DEK: variants seen among roughly 807,000 people sequenced by gnomAD.
DEK encodes the protein DEK proto-oncogene.
Under a neutral mutation model 46.8 loss-of-function variants are expected in DEK, and 28 were observed. The ratio of observed to expected loss-of-function variants is 0.60; its 90% CI spans 0.44 to 0.82. The LOEUF is 0.82. Ranked by LOEUF, DEK falls within the 40% of genes least tolerant of loss-of-function variation. The probability of loss-of-function intolerance (pLI) is 0.00; values close to 1 mark genes in which losing one functional copy is unlikely to be tolerated. For missense variants in DEK, 416 were observed against 430.6 expected, an observed-to-expected ratio of 0.97 and a Z score of 0.30; for synonymous variants, 160 against 144.5, an observed-to-expected ratio of 1.11 and a Z score of -0.77.
In DEK at chr6:18,243,528, C is replaced by T. The variant is rs1465845816; in HGVS notation, c.763-6012G>A. On this transcript the variant is annotated intron_variant, in intron 7 of 10. Transcript: ENST00000652689. The stretch of plus-strand genomic sequence containing the variant: ...ACTTCTGGGCACACAACTCTAACCA[C>T]GAGTTAGTCAAAGGCACCCTGCCTT... 2.6e-5 allele frequency among the ~76,000 whole-genome samples: 4 copies of T among 152,130 alleles called. No individual in the cohort carries two copies. The East Asian group carries it at 7.7e-4, about 29-fold the overall frequency.
rs1554162685 is a variant in DEK at position 18,259,430 on chromosome 6, A to AAAAAAAAAAAAAAT, written c.146-1026_146-1025insATTTTTTTTTTTTT. ...AAAAAAAAAAAAAAAAAAAAAAAAA[A>AAAAAAAAAAAAAAT]AAATCTAGAAAACAGGTAGCATATA... On this transcript the variant is annotated intron_variant, in intron 2 of 10. Coordinates refer to ENST00000652689, the MANE Select transcript of DEK (RefSeq NM_003472.4). 5.2e-5 allele frequency among the ~76,000 whole-genome samples: 5 copies of AAAAAAAAAAAAAAT among 96,844 alleles called. 1 individual carries two copies. The highest frequency in any genetic ancestry group is 4.4e-4 in the East Asian group (1 of 2,272). 63.5% of individuals were successfully genotyped at this position (96,844 alleles called of 152,430 possible).
At chr6:18,244,396 A>T (rs1040161891) in intron 7 of DEK, 1 of 461,920 alleles carries the variant, frequency 2.2e-6, no homozygotes, top group Non-Finnish European at 3.6e-6. Flanking sequence ...AGTTTCAAAA[A>T]CGTGAAGGGG....
Position 18,260,179 on chromosome 6 carries a change from C to A in DEK, c.146-1774G>T, listed in dbSNP as rs1030431701. On this transcript the variant is annotated intron_variant, in intron 2 of 10. Transcript: ENST00000652689. ...TTACATGTAACCTATGACCATCTTC[C>A]CATATACTTTATATCATCTGTAGAT... Among the ~76,000 whole-genome samples the A allele has an allele frequency of 2.6e-5, 4 of 152,104 alleles. No homozygotes were observed. In the South Asian group the frequency reaches 8.3e-4, roughly 32 times the overall value.
intron 7 of DEK, 64 bp downstream of exon 7, chr6:18,249,587 T>C (rs1395823205): frequency 6.9e-7 from 1 of 1,448,006 alleles, no homozygotes; most frequent in Non-Finnish European, 9.1e-7. Context: ...CTGTACCTTA[T>C]AGCAGAAATA....
rs531929458 is a variant in DEK, at chr6:18,231,905, CAACA to C, written c.1047+4543_1047+4546del. 3.2e-4 allele frequency among the ~76,000 whole-genome samples: 49 copies of C among 152,266 alleles called. No homozygotes were observed. The South Asian group carries it at 6.8e-3, about 21-fold the overall frequency. On this transcript the variant is annotated intron_variant, in intron 9 of 10. Transcript: ENST00000652689. ...CTGATATCAAAGCCTGGCAGAGAGA[CAACA>C]AACAAAGAGAATTTCAGACCAATAT...
Position 18,247,679 on chromosome 6 carries a change from T to G in DEK, c.762+1972A>C, listed in dbSNP as rs529620997. Among the ~76,000 whole-genome samples the G allele has an allele frequency of 9.8e-5, 14 of 143,540 alleles. No individual in the cohort carries two copies. In the South Asian group the frequency reaches 2.9e-3, roughly 30 times the overall value. 94.2% of individuals were successfully genotyped at this position (143,540 alleles called of 152,430 possible). On this transcript the variant is annotated intron_variant, in intron 7 of 10. Coordinates refer to ENST00000652689, the MANE Select transcript of DEK (RefSeq NM_003472.4). ...TAAAAGTGAGTATAAAATGCTCTCG[T>G]TTTTTTTTTTTGAGACGGAGTTTCG... is the stretch of plus-strand genomic sequence containing the variant.
chr6:18,253,647 CAA>C (rs1033059712), intron 6 of DEK, among the ~76,000 whole-genome samples: 2 of 152,116 alleles, frequency 1.3e-5, no homozygotes, highest in Non-Finnish European at 2.9e-5. Flanking sequence ...TGTATGGTAT[CAA>C]AAAGAGAATA....
In DEK at chr6:18,234,617, A is replaced by G. The variant is rs1790569876; in HGVS notation, c.1047+1835T>C. 3.3e-5 allele frequency among the ~76,000 whole-genome samples: 5 copies of G among 152,266 alleles called. No homozygotes were observed. In the South Asian group the frequency reaches 8.3e-4, roughly 25 times the overall value. On this transcript the variant is annotated intron_variant, in intron 9 of 10. Transcript: ENST00000652689. ...GTGTCTCACACTGCTACTGTCAGCC[A>G]AAAAGCCATTATTATGAATTCCTTC...
chr6:18,236,925 G>A (rs191337638), intron 8 of DEK: 18 of 200,640 alleles, frequency 9.0e-5, no homozygotes, highest in East Asian at 5.6e-4. Context: ...GTGACGGGTC[G>A]CAGTCAAAAC....
Position 18,236,611 on chromosome 6 carries a change from TATAATA to T in DEK, c.899-17_899-12del, listed in dbSNP as rs753989671. 1.4e-4 allele frequency: 191 copies of T among 1,403,514 alleles called. No individual in the cohort carries two copies. In the African/African-American group the frequency reaches 2.4e-3, roughly 18 times the overall value. 86.9% of individuals were successfully genotyped at this position (1,403,514 alleles called of 1,614,324 possible). Reference sequence around the variant, plus strand: ...CCTCAGACTCACTTTCTAAAAGTAATATAATAATAATAATTTTTCTTACATAGTAAA... The same window carrying T: ...CCTCAGACTCACTTTCTAAAAGTAATATAATAATTTTTCTTACATAGTAAA... On this transcript the variant is annotated splice_polypyrimidine_tract_variant and intron_variant, in intron 8 of 10. Transcript: ENST00000652689.
chr6:18,224,151 A>G lies in DEK; in HGVS notation c.*1568T>C, dbSNP rs1191919813. 2 of 171,468 alleles carry G rather than the reference A, an allele frequency of 1.2e-5. No homozygotes were observed. Among genetic ancestry groups the G allele is most frequent in the Admixed American group, 6.4e-5 (1 of 15,714 alleles). The allele number at this position is 171,468 out of a possible 1,614,324, so 10.6% of individuals were successfully genotyped here. A position where few individuals can be genotyped will look rare whatever the true frequency, so the allele number is the denominator to read the frequency against. On this transcript the variant is annotated 3_prime_UTR_variant, in exon 11 of 11. Coordinates refer to ENST00000652689, the MANE Select transcript of DEK (RefSeq NM_003472.4). ...AGGAAATGCTATATACACCTATAAG[A>G]TATCAAATGCAAGTGACTTAAAACA... is the stretch of plus-strand genomic sequence containing the variant.
chr6:18,249,973 G>A (rs1025619047), intron 6 of DEK, 134 bp from the exon 7 acceptor site: 2 of 1,345,988 alleles, frequency 1.5e-6, no homozygotes, highest in African/African-American at 3.0e-5. Context: ...GCTTTGCAGA[G>A]AATAATCTTT....
At chr6:18,226,709 G>A (rs1228353046) in intron 9 of DEK, among the ~76,000 whole-genome samples, 1 of 152,218 alleles carries the variant, frequency 6.6e-6, no homozygotes, top group Non-Finnish European at 1.5e-5. Flanking sequence ...GGGCCCAGGA[G>A]GTTGAGGTTG....
At position 18,258,418 on chromosome 6, in the gene DEK, T is replaced by A. The variant is rs1400326566; in HGVS notation, c.146-13A>T. On this transcript the variant is annotated splice_polypyrimidine_tract_variant and intron_variant, in intron 2 of 10. Coordinates refer to ENST00000652689, the MANE Select transcript of DEK (RefSeq NM_003472.4). ...ATGAGACTCTTTTCTAGAAATTAAT[T>A]TAGTATTTCTTAATTAACAAAAAGC... The A allele has an allele frequency of 1.3e-6, 2 of 1,580,714 alleles. No individual in the cohort carries two copies. Among genetic ancestry groups the A allele is most frequent in the South Asian group, 1.1e-5 (1 of 89,134 alleles).
chr6:18,240,666 T>A (rs1456590734), intron 7 of DEK, among the ~76,000 whole-genome samples: 1 of 152,186 alleles, frequency 6.6e-6, no homozygotes, highest in African/African-American at 2.4e-5. Context: ...TTCTAAGTGT[T>A]TTCAAAAAGC....
Position 18,263,956 on chromosome 6 carries a change from TC to T in DEK, c.31del (p.Glu11ArgfsTer53). The T allele has an allele frequency of 6.2e-7, 1 of 1,610,326 alleles. No homozygotes were observed. Among genetic ancestry groups the T allele is most frequent in the Non-Finnish European group, 8.5e-7 (1 of 1,178,364 alleles). ...GGACGCGGGCTGGGTGGGGGTTCCC[TC>T]CCCCTCCGCAGCAGGGGCCGAGGCG... MSASAPAAEG[E>X]GTPTQPASEK... is the part of the protein sequence containing the mutation. On this transcript the variant is annotated frameshift_variant, in exon 2 of 11. Coordinates refer to ENST00000652689, the MANE Select transcript of DEK (RefSeq NM_003472.4). LOFTEE classifies it high-confidence loss of function.
intron 7 of DEK, among the ~76,000 whole-genome samples, chr6:18,239,162 G>T (rs2151082924): frequency 6.6e-6 from 1 of 152,152 alleles, no homozygotes; most frequent in South Asian, 2.1e-4. Flanking sequence ...GACCTCAGGT[G>T]ATCCACTCAC....
chr6:18,225,648 CTT>C lies in DEK; in HGVS notation c.*69_*70del, dbSNP rs777915374. ...GGATTTAGAAAAGGAAATACATTCT[CTT>C]TGCTGGTATAATGGTATAAATCAGA... On this transcript the variant is annotated 3_prime_UTR_variant, in exon 11 of 11. Transcript: ENST00000652689. 2.1e-5 allele frequency: 32 copies of C among 1,524,428 alleles called. No individual in the cohort carries two copies. The highest frequency in any genetic ancestry group is 2.8e-5 in the Non-Finnish European group (31 of 1,119,058). The allele number at this position is 1,524,428 out of a possible 1,614,324, so 94.4% of individuals were successfully genotyped here.
intron 2 of DEK, among the ~76,000 whole-genome samples, chr6:18,261,253 A>C (rs1038330731): frequency 5.3e-5 from 8 of 152,156 alleles, no homozygotes; most frequent in African/African-American, 1.9e-4. Context: ...TTGGAGCTTT[A>C]AGATTTAAAG....
Sources: allele counts gnomAD v4.1 joint callset (sites outside exome capture counted in the v4.1 genomes callset), GRCh38; gene constraint gnomAD v4.1.1; transcripts MANE v1.5; gene names NCBI Gene and HGNC (gene_info 2026-07-23, HGNC 2026-07-21).